Variants in LHPP observed in about 807,000 individuals in gnomAD.
LHPP encodes the protein phospholysine phosphohistidine inorganic pyrophosphate phosphatase, also known as hLHPP.
In LHPP, 24 loss-of-function variants were observed where a neutral mutation model predicts 30.3. The observed-to-expected ratio is 0.79, with a 90% CI of 0.57 to 1.11. LHPP has a LOEUF of 1.11. Among genes scored for constraint, LHPP ranks in the 50% most tolerant of loss-of-function variants. The pLI is 0.00. For missense variants in LHPP, 356 were observed against 367.2 expected (o/e 0.97, Z 0.25); for synonymous variants, 150 against 157.1 (o/e 0.95, Z 0.34).
intron 5 of LHPP, among the ~76,000 whole-genome samples, chr10:124,513,098 GTTTGTTTT>G (rs1417299059): frequency 7.9e-5 from 12 of 152,104 alleles, no homozygotes; most frequent in Non-Finnish European, 1.6e-4. Flanking sequence ...TTGTTTGTTT[GTTTGTTTT>G]AAGACAGAGT....
Position 124,593,681 on chromosome 10 carries a change from C to T in LHPP, c.717-19583C>T, listed in dbSNP as rs781126181. ...CAGAGGGTGGTGGACCCAAACGCGA[C>T]GTCCCCAGTGGCGGTGGCTGAGGAG... is the stretch of plus-strand genomic sequence containing the variant. On this transcript the variant is annotated intron_variant, in intron 6 of 6. Coordinates refer to ENST00000368842, the MANE Select transcript of LHPP (RefSeq NM_022126.4). The surrounding 1 kb of genome is among the most constrained non-coding windows in gnomAD (Gnocchi z 4.9). Among the ~76,000 whole-genome samples, 2 of 152,250 alleles carry T rather than the reference C, an allele frequency of 1.3e-5. No individual in the cohort carries two copies. Among genetic ancestry groups the T allele is most frequent in the Non-Finnish European group, 2.9e-5 (2 of 68,042 alleles).
At chr10:124,533,151 GC>G (rs1954939464) in intron 6 of LHPP, among the ~76,000 whole-genome samples, 1 of 152,210 alleles carries the variant, frequency 6.6e-6, no homozygotes, top group Non-Finnish European at 1.5e-5. Context: ...GGGGTTGTCA[GC>G]CTGGCCTCTG....
intron 6 of LHPP, among the ~76,000 whole-genome samples, chr10:124,547,192 G>A (rs1955370843): frequency 6.6e-6 from 1 of 152,192 alleles, no homozygotes; most frequent in African/African-American, 2.4e-5. Context: ...CCTGATGGCT[G>A]TGAGCTGTCG....
At chr10:124,470,204 G>C (rs4372401) in intron 1 of LHPP, among the ~76,000 whole-genome samples, 57,972 of 152,144 alleles carry the variant, frequency 0.38, 12,386 homozygotes, top group Non-Finnish European at 0.48. Flanking sequence ...GGGGCCCTGG[G>C]CCTATGGCTG....
chr10:124,564,562 T>C (rs1948459526), intron 6 of LHPP, among the ~76,000 whole-genome samples: 1 of 152,138 alleles, frequency 6.6e-6, no homozygotes, highest in South Asian at 2.1e-4. Flanking sequence ...CCTCGGATTG[T>C]CATTTAGCGG....
chr10:124,575,387 G>A (rs1948644703), intron 6 of LHPP, among the ~76,000 whole-genome samples: 2 of 152,270 alleles, frequency 1.3e-5, no homozygotes, highest in East Asian at 1.9e-4. Context: ...TTCAGTGGGG[G>A]CGGAGGTACA....
At chr10:124,497,045 C>G (rs1213094404) in intron 4 of LHPP, 21 bp downstream of exon 4, 2 of 1,606,974 alleles carry the variant, frequency 1.2e-6, no homozygotes. Context: ...TGGTTCTGTC[C>G]CAAACTCTCT....
chr10:124,582,745 C>T (rs1463959852), intron 6 of LHPP, among the ~76,000 whole-genome samples: 1 of 151,960 alleles, frequency 6.6e-6, no homozygotes, highest in African/African-American at 2.4e-5. Context: ...TGGCTCACAC[C>T]TGTAATCCCA....
At chr10:124,518,537 C>T (rs566338324) in intron 6 of LHPP, among the ~76,000 whole-genome samples, 3 of 152,364 alleles carry the variant, frequency 2.0e-5, no homozygotes, top group Admixed American at 6.5e-5. Flanking sequence ...GCGCCCCATG[C>T]GTCTCAGGGC....
Position 124,561,351 on chromosome 10 carries a change from G to C in LHPP, c.716+44080G>C, listed in dbSNP as rs116251207. 7.1e-3 allele frequency among the ~76,000 whole-genome samples: 1,079 copies of C among 152,254 alleles called. 8 individuals are homozygous for C. Among genetic ancestry groups the C allele is most frequent in the African/African-American group, 0.025 (1,045 of 41,542 alleles). On this transcript the variant is annotated intron_variant, in intron 6 of 6. Transcript: ENST00000368842. Reference sequence around the variant, plus strand: ...GGTGTCAGAGAAGGCCAAGGAGGGAGCCAGGAGCAGGGTGGGAATGAGGTC... The same window carrying C: ...GGTGTCAGAGAAGGCCAAGGAGGGACCCAGGAGCAGGGTGGGAATGAGGTC...
Position 124,613,315 on chromosome 10 carries a change from C to T in LHPP, c.768C>T (p.Asn256=). The part of the protein sequence containing the change: ...PEVKADGYVD[N]LAEAVDLLLQ... Reference sequence around the variant, plus strand: ...TGAAGGCTGATGGGTACGTGGACAACCTCGCAGAGGCAGTGGACCTGCTGC... The same window carrying T: ...TGAAGGCTGATGGGTACGTGGACAATCTCGCAGAGGCAGTGGACCTGCTGC... Residue 256 remains asparagine (N), a synonymous_variant, in exon 7 of 7, where the codon AAC becomes AAT. Coordinates refer to ENST00000368842, the MANE Select transcript of LHPP (RefSeq NM_022126.4). 1 of 1,613,506 alleles carries T rather than the reference C, an allele frequency of 6.2e-7. No individual in the cohort carries two copies. Among genetic ancestry groups the T allele is most frequent in the African/African-American group, 1.3e-5 (1 of 75,024 alleles).
chr10:124,529,533 A>G (rs1363898837), intron 6 of LHPP, among the ~76,000 whole-genome samples: 1 of 152,116 alleles, frequency 6.6e-6, no homozygotes, highest in African/African-American at 2.4e-5. Context: ...CGACTGTGGC[A>G]TCCCCCATGT....
At chr10:124,553,930 G>T in intron 6 of LHPP, 1 of 985,456 alleles carries the variant, frequency 1.0e-6, no homozygotes, top group Non-Finnish European at 1.2e-6. Flanking sequence ...TCCTGCTCCA[G>T]GAGGGACAGA....
intron 6 of LHPP, among the ~76,000 whole-genome samples, chr10:124,525,335 G>T (rs560113537): frequency 1.6e-4 from 25 of 152,324 alleles, no homozygotes; most frequent in African/African-American, 6.0e-4. Context: ...CTTCTGGGGC[G>T]GATCTGCTGA....
At chr10:124,472,788 C>CA (rs1287517943) in intron 1 of LHPP, among the ~76,000 whole-genome samples, 1 of 152,142 alleles carries the variant, frequency 6.6e-6, no homozygotes, top group Admixed American at 6.5e-5. Context: ...GAACTCCTGA[C>CA]CTCAGGTGAT....
At chr10:124,497,330 C>G (rs1953755134) in intron 4 of LHPP, among the ~76,000 whole-genome samples, 1 of 150,842 alleles carries the variant, frequency 6.6e-6, no homozygotes, top group African/African-American at 2.4e-5. Flanking sequence ...CGCCGTGGAC[C>G]CTGCCGCTCT....
intron 1 of LHPP, among the ~76,000 whole-genome samples, chr10:124,468,689 G>A (rs1208667752): frequency 2.6e-5 from 4 of 152,300 alleles, no homozygotes; most frequent in African/African-American, 9.6e-5. Flanking sequence ...ACCTGTTTCC[G>A]CCCACACCAG....
chr10:124,551,860 G>A (rs1047527086), intron 6 of LHPP, among the ~76,000 whole-genome samples: 6 of 152,134 alleles, frequency 3.9e-5, no homozygotes, highest in South Asian at 2.1e-4. Flanking sequence ...ACCTCACCAC[G>A]GAGGCGCACG....
intron 5 of LHPP, among the ~76,000 whole-genome samples, chr10:124,503,008 C>A (rs897207506): frequency 1.3e-5 from 2 of 151,550 alleles, no homozygotes; most frequent in African/African-American, 2.4e-5. Context: ...AGTTCTTTGA[C>A]ACTATGTAAA....
Sources: gnomAD v4.1 joint callset for allele counts (sites outside exome capture counted in the v4.1 genomes callset) on GRCh38, gnomAD v4.1.1 for gene constraint, Gnocchi (gnomAD v3.1) non-coding constraint, MANE v1.5 for transcripts, NCBI Gene and HGNC (gene_info 2026-07-23, HGNC 2026-07-21) for gene names.